Variants in GMEB1 observed in about 807,000 individuals in gnomAD.
The protein encoded by GMEB1 is glucocorticoid modulatory element-binding protein 1.
GMEB1 carries 6 observed loss-of-function variants against 52.4 expected under a neutral mutation model. The observed-to-expected ratio is 0.11, with a 90% CI of 0.06 to 0.23. GMEB1 has a LOEUF of 0.23. Among genes scored for constraint, GMEB1 ranks in the 10% least tolerant of loss-of-function variants. GMEB1 has a pLI of 1.00. For missense variants in GMEB1, 486 were observed against 685.6 expected, an observed-to-expected ratio of 0.71 and a Z score of 3.25; for synonymous variants, 255 against 244.9, an observed-to-expected ratio of 1.04 and a Z score of -0.38.
At chr1:28,695,938 C>CAAAAAAA (rs58978972) in intron 5 of GMEB1, among the ~76,000 whole-genome samples, 2 of 41,052 alleles carry the variant, frequency 4.9e-5, no homozygotes, top group East Asian at 6.4e-4. Flanking sequence ...GACTCCGTCT[C>CAAAAAAA]AAAAAAAAAA....
In GMEB1 at chr1:28,714,146, T is replaced by C. The variant is rs769101171; in HGVS notation, c.1065T>C (p.Asn355=). ...GGCTGAAATCTCAGACAGTTCAAAA[T>C]GTGGTACTGATGCCTGTGAGCACTC... is the stretch of plus-strand genomic sequence containing the variant. ...DHRLKSQTVQ[N]VVLMPVSTPK... Residue 355 remains asparagine, a synonymous_variant, in exon 10 of 10, where the codon AAT becomes AAC. Coordinates refer to ENST00000373816, the MANE Select transcript of GMEB1 (RefSeq NM_001319674.2). 22 of 1,614,016 alleles carry C rather than the reference T, an allele frequency of 1.4e-5. No individual in the cohort carries two copies. The East Asian group carries it at 4.7e-4, about 34-fold the overall frequency.
At chr1:28,706,112 C>T (rs1670750447) in intron 8 of GMEB1, among the ~76,000 whole-genome samples, 1 of 151,772 alleles carries the variant, frequency 6.6e-6, no homozygotes, top group African/African-American at 2.4e-5. Context: ...CGAGATAGCG[C>T]CACTGCAGTC....
chr1:28,702,593 G>GTCTT, intron 7 of GMEB1, 24 bp downstream of exon 7: 1 of 1,605,496 alleles, frequency 6.2e-7, no homozygotes, highest in Non-Finnish European at 8.5e-7. Context: ...GGGCTCAGAT[G>GTCTT]TCTTGCAGGG....
chr1:28,675,371 T>C (rs1444352455), intron 1 of GMEB1, among the ~76,000 whole-genome samples: 1 of 151,634 alleles, frequency 6.6e-6, no homozygotes, highest in African/African-American at 2.4e-5. Flanking sequence ...TTCTTTTACA[T>C]GTGTTCACAT....
chr1:28,710,072 G>A (rs775894896), intron 8 of GMEB1, among the ~76,000 whole-genome samples: 1 of 152,080 alleles, frequency 6.6e-6, no homozygotes, highest in African/African-American at 2.4e-5. Flanking sequence ...GCGTGAACCC[G>A]GGAGGTGGAG....
Position 28,715,655 on chromosome 1 carries a change from T to C in GMEB1, c.*882T>C, listed in dbSNP as rs1400912696. 6.7e-6 allele frequency: 1 copy of C among 149,124 alleles called. No individual in the cohort carries two copies. The highest frequency in any genetic ancestry group is 1.5e-5 in the Non-Finnish European group (1 of 67,530). 9.2% of individuals were successfully genotyped at this position (149,124 alleles called of 1,614,324 possible). A position where few individuals can be genotyped will look rare whatever the true frequency, so the allele number is the denominator to read the frequency against. ...TGGCAAGTATGGGGCAGGGAAATCA[T>C]CTTACTTCCAGAGGTGCAACTGACG... On this transcript the variant is annotated 3_prime_UTR_variant, in exon 10 of 10. Coordinates refer to ENST00000373816, the MANE Select transcript of GMEB1 (RefSeq NM_001319674.2).
intron 5 of GMEB1, among the ~76,000 whole-genome samples, chr1:28,696,078 T>TTATC (rs1335035402): frequency 2.0e-5 from 3 of 151,318 alleles, no homozygotes; most frequent in Non-Finnish European, 4.4e-5. Flanking sequence ...ATTTATTTAT[T>TTATC]TATTTTTGAG....
At chr1:28,687,702 G>A (rs1231996909) in intron 2 of GMEB1, among the ~76,000 whole-genome samples, 1 of 152,116 alleles carries the variant, frequency 6.6e-6, no homozygotes, top group African/African-American at 2.4e-5. Flanking sequence ...TAGAGATGAT[G>A]AGGCCTGAAT....
chr1:28,702,511 C>A lies in GMEB1; in HGVS notation c.672C>A (p.Thr224=). Reference sequence around the variant, plus strand: ...GGCTGGAATGGAACTCAGCTCTCACCGCTGCTGTCACCATGGCCACGGAGG... The same window carrying A: ...GGCTGGAATGGAACTCAGCTCTCACAGCTGCTGTCACCATGGCCACGGAGG... The part of the protein sequence containing the change: ...EAGLEWNSAL[T]AAVTMATEEG... Residue 224 remains threonine, a synonymous_variant, in exon 7 of 10, where the codon ACC becomes ACA. Transcript: ENST00000373816. 1 of 1,613,502 alleles carries A rather than the reference C, an allele frequency of 6.2e-7. No homozygotes were observed. Among genetic ancestry groups the A allele is most frequent in the Non-Finnish European group, 8.5e-7 (1 of 1,179,546 alleles).
chr1:28,704,780 G>A (rs1015888448), intron 8 of GMEB1, among the ~76,000 whole-genome samples: 2 of 151,950 alleles, frequency 1.3e-5, no homozygotes, highest in African/African-American at 4.8e-5. Flanking sequence ...GCTAATTTTT[G>A]TATTTTTAGT....
intron 1 of GMEB1, among the ~76,000 whole-genome samples, chr1:28,678,657 C>T (rs1669261932): frequency 6.6e-6 from 1 of 152,008 alleles, no homozygotes; most frequent in Non-Finnish European, 1.5e-5. Flanking sequence ...CTTGCTTTGT[C>T]ACCTAAGCTG....
chr1:28,676,022 T>C (rs1669138323), intron 1 of GMEB1, among the ~76,000 whole-genome samples: 1 of 152,194 alleles, frequency 6.6e-6, no homozygotes, highest in Non-Finnish European at 1.5e-5. Flanking sequence ...AGATGTATTG[T>C]GGATGATTAT....
chr1:28,713,186 G>A (rs1030315480), intron 9 of GMEB1, among the ~76,000 whole-genome samples: 12 of 150,586 alleles, frequency 8.0e-5, no homozygotes, highest in South Asian at 4.2e-4. Context: ...GACATTTACC[G>A]CTCTGGAGAT....
chr1:28,709,622 T>C (rs926542987), intron 8 of GMEB1, among the ~76,000 whole-genome samples: 4 of 152,130 alleles, frequency 2.6e-5, no homozygotes, highest in Admixed American at 6.6e-5. Context: ...TCTTCCAGGC[T>C]GGAGTGCAGT....
intron 2 of GMEB1, among the ~76,000 whole-genome samples, chr1:28,686,847 A>T (rs542717967): frequency 6.6e-6 from 1 of 152,184 alleles, no homozygotes; most frequent in South Asian, 2.1e-4. Context: ...AATTGAATAA[A>T]TGAATAAGCC....
chr1:28,691,090 A>T (rs1245448231), intron 3 of GMEB1, among the ~76,000 whole-genome samples: 1 of 152,160 alleles, frequency 6.6e-6, no homozygotes, highest in Non-Finnish European at 1.5e-5. Context: ...CAGGGGTTCA[A>T]GACCAGCCTG....
chr1:28,711,227 A>C (rs527606357), intron 9 of GMEB1, among the ~76,000 whole-genome samples: 39 of 151,848 alleles, frequency 2.6e-4, no homozygotes, highest in African/African-American at 8.4e-4. Context: ...CGGAGGTTTC[A>C]GTGAACCAAA....
chr1:28,704,425 A>G, intron 8 of GMEB1, 96 bp downstream of exon 8: 2 of 900,828 alleles, frequency 2.2e-6, no homozygotes, highest in South Asian at 4.9e-5. Context: ...ATGTATAGGT[A>G]TTATTATCTT....
In GMEB1 at chr1:28,717,885, T is replaced by G. The variant is rs906438138; in HGVS notation, c.*3112T>G. On this transcript the variant is annotated 3_prime_UTR_variant, in exon 10 of 10. Transcript: ENST00000373816. ...TCCTCCATCAGAGCTATTGGTAGGG[T>G]TTTAAGGTCGTGTGTGCATCATGCT... 5 of 152,074 alleles carry G rather than the reference T, an allele frequency of 3.3e-5. No individual in the cohort carries two copies. The highest frequency in any genetic ancestry group is 1.2e-4 in the African/African-American group (5 of 41,392). The allele number at this position is 152,074 out of a possible 1,614,324, so 9.4% of individuals were successfully genotyped here.
Sources: allele counts gnomAD v4.1 joint callset (sites outside exome capture counted in the v4.1 genomes callset), GRCh38; gene constraint gnomAD v4.1.1; transcripts MANE v1.5; gene names NCBI Gene and HGNC (gene_info 2026-07-23, HGNC 2026-07-21).